The following KANSL1 variants were observed in gnomAD, a reference collection of about 807,000 sequenced individuals.
The protein encoded by KANSL1 is KAT8 regulatory NSL complex subunit 1.
A neutral mutation model predicts 103.6 loss-of-function variants in KANSL1; 22 were observed. The observed-to-expected ratio is 0.21, with a 90% CI of 0.15 to 0.30. The LOEUF (loss-of-function observed/expected upper bound fraction) is 0.30, where lower values mean the gene tolerates loss of function less well. Among genes scored for constraint, KANSL1 ranks in the 10% least tolerant of loss-of-function variants. The pLI, the probability that KANSL1 is intolerant of heterozygous loss-of-function variation, is 1.00. For synonymous variants in KANSL1, 600 were observed against 527.6 expected (o/e 1.14, Z -1.88); for missense variants, 1,337 against 1,399.8 (o/e 0.96, Z 0.72).
intron 1 of KANSL1, among the ~76,000 whole-genome samples, chr17:46,185,856 A>C (rs1255752649): frequency 2.0e-5 from 3 of 152,180 alleles, no homozygotes; most frequent in African/African-American, 7.2e-5. Flanking sequence ...ATACCATCTC[A>C]AGAAAACTTT....
chr17:46,065,951 C>T (rs2078360914), intron 6 of KANSL1, among the ~76,000 whole-genome samples: 1 of 152,106 alleles, frequency 6.6e-6, no homozygotes, highest in South Asian at 2.1e-4. Context: ...GCAGCCTCAA[C>T]CTTATGGGTT....
rs945125361 is a variant in KANSL1 at position 46,031,068 on chromosome 17, G to A, written c.*408C>T. Reference sequence around the variant, plus strand: ...GGAGGGGAGGGGGTAAGAGTCCAGAGCACCCTGCCCCATTCCACCCTAGCT... The same window carrying A: ...GGAGGGGAGGGGGTAAGAGTCCAGAACACCCTGCCCCATTCCACCCTAGCT... On this transcript the variant is annotated 3_prime_UTR_variant, in exon 15 of 15. Coordinates refer to ENST00000432791, the MANE Select transcript of KANSL1 (RefSeq NM_015443.4). 2.0e-4 allele frequency: 37 copies of A among 184,772 alleles called. No individual in the cohort carries two copies. Among genetic ancestry groups the A allele is most frequent in the South Asian group, 7.8e-4 (6 of 7,658 alleles). 11.4% of individuals were successfully genotyped at this position (184,772 alleles called of 1,614,324 possible). A position where few individuals can be genotyped will look rare whatever the true frequency, so the allele number is the denominator to read the frequency against.
chr17:46,125,315 TAAGCCTACTG>T (rs1273766929), intron 2 of KANSL1, among the ~76,000 whole-genome samples: 4 of 152,354 alleles, frequency 2.6e-5, no homozygotes, highest in Non-Finnish European at 4.4e-5. Context: ...TATTATGACA[TAAGCCTACTG>T]CATACTTAAC....
chr17:46,116,327 A>C (rs1339706139), intron 2 of KANSL1, among the ~76,000 whole-genome samples: 4 of 152,180 alleles, frequency 2.6e-5, no homozygotes, highest in East Asian at 1.9e-4. Flanking sequence ...TCAGAGGATC[A>C]AGACCATCCT....
intron 2 of KANSL1, among the ~76,000 whole-genome samples, chr17:46,117,949 T>A (rs1365556610): frequency 6.6e-6 from 1 of 152,232 alleles, no homozygotes; most frequent in Non-Finnish European, 1.5e-5. Context: ...CTTTAAAAAC[T>A]ACTATCTGTT....
intron 1 of KANSL1, among the ~76,000 whole-genome samples, chr17:46,202,050 A>G (rs2047823203): frequency 6.6e-6 from 1 of 152,022 alleles, no homozygotes; most frequent in Non-Finnish European, 1.5e-5. Flanking sequence ...GTGCATCTGT[A>G]CCAGTTAGTA....
upstream of KANSL1, among the ~76,000 whole-genome samples, chr17:46,195,010 T>C (rs142797019): frequency 1.5e-3 from 232 of 152,332 alleles, no homozygotes; most frequent in Non-Finnish European, 2.6e-3. Flanking sequence ...AATAAACTAA[T>C]ATTTGTATAC....
intron 2 of KANSL1, among the ~76,000 whole-genome samples, chr17:46,143,431 T>C (rs998982678): frequency 5.9e-5 from 9 of 151,378 alleles, no homozygotes; most frequent in African/African-American, 2.2e-4. Context: ...GAGACAGAGG[T>C]TGCAGTGAGC....
intron 1 of KANSL1, among the ~76,000 whole-genome samples, chr17:46,179,704 T>C (rs1286059222): frequency 6.6e-6 from 1 of 152,196 alleles, no homozygotes; most frequent in Non-Finnish European, 1.5e-5. Flanking sequence ...TGTGGCATTC[T>C]AGTGAGAGGA....
chr17:46,056,034 TG>T (rs2077915001), intron 6 of KANSL1, among the ~76,000 whole-genome samples: 1 of 152,380 alleles, frequency 6.6e-6, no homozygotes, highest in East Asian at 1.9e-4. Context: ...AGTCTCGCTC[TG>T]TTGCCCAGGC....
intron 1 of KANSL1, among the ~76,000 whole-genome samples, chr17:46,208,501 T>C (rs1289452032): frequency 6.6e-6 from 1 of 151,402 alleles, no homozygotes; most frequent in Non-Finnish European, 1.5e-5. Flanking sequence ...TAGTCCCAGC[T>C]ACCCGGGAAG....
At chr17:46,195,076 C>T (rs1232799043), upstream of KANSL1, among the ~76,000 whole-genome samples, 2 of 152,206 alleles carry the variant, frequency 1.3e-5, no homozygotes, top group African/African-American at 2.4e-5. Context: ...TGGGGAAAAA[C>T]TTTGACTTTT....
At chr17:46,113,074 C>A (rs1344655763) in intron 2 of KANSL1, among the ~76,000 whole-genome samples, 1 of 152,034 alleles carries the variant, frequency 6.6e-6, no homozygotes, top group Non-Finnish European at 1.5e-5. Context: ...ACAAAGAATA[C>A]AAAGAAACTA....
rs1021094873 is a variant in KANSL1 at position 46,172,339 on chromosome 17, A to G, written c.-89-107T>C. 60 of 620,702 alleles carry G rather than the reference A, an allele frequency of 9.7e-5. No homozygotes were observed. The Middle Eastern group carries it at 1.3e-3, about 14-fold the overall frequency. The allele number at this position is 620,702 out of a possible 1,614,324, so 38.4% of individuals were successfully genotyped here. A position where few individuals can be genotyped will look rare whatever the true frequency, so the allele number is the denominator to read the frequency against. On this transcript the variant is annotated intron_variant, in intron 1 of 14. Coordinates refer to ENST00000432791, the MANE Select transcript of KANSL1 (RefSeq NM_015443.4). ...GGCTGTTGTCTAAACTGCCTCCAGA[A>G]AGAAAACACTCTGGAGCTAACTGTA...
chr17:46,112,724 A>ATTTTTATTTATTTTATTTT (rs751551949), intron 2 of KANSL1, among the ~76,000 whole-genome samples: 2 of 145,812 alleles, frequency 1.4e-5, no homozygotes, highest in African/African-American at 2.5e-5. Flanking sequence ...GGGCAGATAA[A>ATTTTTATTTATTTTATTTT]TTTTTTTTTT....
intron 2 of KANSL1, among the ~76,000 whole-genome samples, chr17:46,111,860 C>A (rs1008727068): frequency 2.0e-5 from 3 of 152,132 alleles, no homozygotes. Flanking sequence ...TCTTAAAGAA[C>A]AGAAGAAAAG....
chr17:46,063,886 T>C (rs2078268260), intron 6 of KANSL1, among the ~76,000 whole-genome samples: 1 of 146,710 alleles, frequency 6.8e-6, no homozygotes. Context: ...TTTATTTTCA[T>C]GAGGTGGCGG....
intron 4 of KANSL1, among the ~76,000 whole-genome samples, chr17:46,072,221 A>C (rs2146713533): frequency 6.6e-6 from 1 of 152,290 alleles, no homozygotes; most frequent in Admixed American, 6.5e-5. Flanking sequence ...GTTTCACCAA[A>C]AAGTAGAGAG....
intron 6 of KANSL1, among the ~76,000 whole-genome samples, chr17:46,062,092 AAAAAAAAAAAAAAAAAACAAACAAAC>A (rs1432033451): frequency 1.1e-4 from 3 of 26,120 alleles, no homozygotes; most frequent in East Asian, 4.2e-3. Flanking sequence ...ACTCCGACTC[AAAAAAAAAAAAAAAAAACAAACAAAC>A]AAAAAAAAAA....
Sources: gnomAD v4.1 joint callset for allele counts (sites outside exome capture counted in the v4.1 genomes callset) on GRCh38, gnomAD v4.1.1 for gene constraint, MANE v1.5 for transcripts, NCBI Gene and HGNC (gene_info 2026-07-23, HGNC 2026-07-21) for gene names.